Variants in KIFBP observed in about 807,000 individuals in gnomAD.
The protein encoded by KIFBP is kinesin family binding protein, also known as KIF-binding protein.
Under a neutral mutation model 58.9 loss-of-function variants are expected in KIFBP, and 46 were observed. The observed-to-expected ratio is 0.78, with a 90% CI of 0.62 to 1.00. The LOEUF is 1.00. Ranked by LOEUF, KIFBP falls within the 50% of genes least tolerant of loss-of-function variation. The pLI is 0.00. For synonymous variants in KIFBP, 241 were observed against 283.4 expected (o/e 0.85, Z 1.50); for missense variants, 651 against 752.9 (o/e 0.86, Z 1.58).
intron 1 of KIFBP, among the ~76,000 whole-genome samples, chr10:68,993,599 C>CTT (rs534010735): frequency 2.1e-5 from 3 of 145,130 alleles, no homozygotes; most frequent in South Asian, 2.2e-4. Context: ...TTAAACAAAG[C>CTT]TTTTTTTTTT....
rs377211706 is a variant in KIFBP at position 68,988,832 on chromosome 10, T to C, written c.-1T>C. On this transcript the variant is annotated 5_prime_UTR_variant, in exon 1 of 7. Transcript: ENST00000361983. ...AGGAAAGCCAGGCAGTAGAGGCCGC[T>C]ATGGCGAACGTTCCGTGGGCAGAGG... is the stretch of plus-strand genomic sequence containing the variant. 6 of 1,614,260 alleles carry C rather than the reference T, an allele frequency of 3.7e-6. No individual in the cohort carries two copies. Among genetic ancestry groups the C allele is most frequent in the Non-Finnish European group, 5.1e-6 (6 of 1,180,046 alleles).
At chr10:69,015,025 C>T (rs1057224662) in intron 6 of KIFBP, among the ~76,000 whole-genome samples, 5 of 152,074 alleles carry the variant, frequency 3.3e-5, no homozygotes, top group African/African-American at 1.2e-4. Context: ...TGGGTTCAAG[C>T]GATTCTCCTG....
Position 68,989,187 on chromosome 10 carries a change from G to T in KIFBP, c.355G>T (p.Val119Leu). The change falls in exon 1 of 7, where the codon GTG (valine) becomes TTG (leucine). Residue 119 changes from valine to leucine, a missense_variant. By Grantham distance (32) the Val-to-Leu change is conservative. Transcript: ENST00000361983. Reference sequence around the variant, plus strand: ...GCTGTCGGCGGGGGAGGAGCACCTGGTGAAATGCCTGCGGCTGCTGCGCAG... The same window carrying T: ...GCTGTCGGCGGGGGAGGAGCACCTGTTGAAATGCCTGCGGCTGCTGCGCAG... ...EELSAGEEHLVKCLRLLRRYR... is the reference protein window; with the variant it reads ...EELSAGEEHLLKCLRLLRRYR... 1 of 1,613,850 alleles carries T rather than the reference G, an allele frequency of 6.2e-7. No individual in the cohort carries two copies. The highest frequency in any genetic ancestry group is 8.5e-7 in the Non-Finnish European group (1 of 1,179,956).
rs777785724 is a variant in KIFBP, at chr10:69,015,533, T to C, written c.991-8T>C. On this transcript the variant is annotated splice_polypyrimidine_tract_variant and splice_region_variant and intron_variant, in intron 6 of 6. Coordinates refer to ENST00000361983, the MANE Select transcript of KIFBP (RefSeq NM_015634.4). ...TACTTAACCATAATTTATTTTTTTT[T>C]CCTTCAGGACAACATAGGAGAGCTT... The C allele has an allele frequency of 1.2e-6, 2 of 1,612,802 alleles. No individual in the cohort carries two copies. Among genetic ancestry groups the C allele is most frequent in the Admixed American group, 1.7e-5 (1 of 59,724 alleles).
intron 2 of KIFBP, among the ~76,000 whole-genome samples, chr10:69,001,031 A>G (rs892224635): frequency 6.6e-6 from 1 of 151,892 alleles, no homozygotes; most frequent in African/African-American, 2.4e-5. Context: ...TTTTAATAAG[A>G]TCCTGCCTGG....
In KIFBP at chr10:68,988,828, C is replaced by G; in HGVS notation, c.-5C>G. The G allele has an allele frequency of 6.2e-7, 1 of 1,614,256 alleles. No homozygotes were observed. The highest frequency in any genetic ancestry group is 1.1e-5 in the South Asian group (1 of 91,090). On this transcript the variant is annotated 5_prime_UTR_variant, in exon 1 of 7. Transcript: ENST00000361983. ...ATTGAGGAAAGCCAGGCAGTAGAGG[C>G]CGCTATGGCGAACGTTCCGTGGGCA...
In KIFBP at chr10:69,015,964, CAG is replaced by C; in HGVS notation, c.1416_1417del (p.Gln472HisfsTer4). 2 of 1,614,040 alleles carry C rather than the reference CAG, an allele frequency of 1.2e-6. No homozygotes were observed. The highest frequency in any genetic ancestry group is 1.7e-6 in the Non-Finnish European group (2 of 1,179,942). On this transcript the variant is annotated frameshift_variant, in exon 7 of 7. Transcript: ENST00000361983. LOFTEE classifies it high-confidence loss of function. ...ACAGTATTATCTGTTGGTCAACAGA[CAG>C]ATCCAGTTTGAAATTGCACATGCTT... ...NPQYYLLVNR[Q>X]IQFEIAHAYY... is the part of the protein sequence containing the mutation.
chr10:68,995,794 T>C lies in KIFBP; in HGVS notation c.427-4630T>C, dbSNP rs1050037597. Among the ~76,000 whole-genome samples, 3 of 152,244 alleles carry C rather than the reference T, an allele frequency of 2.0e-5. No homozygotes were observed. The South Asian group carries it at 6.2e-4, about 31-fold the overall frequency. ...GTTTGATAGTGGCAAGGATATGATA[T>C]GTGAAAGATGCAAGACCTTCCATTG... is the stretch of plus-strand genomic sequence containing the variant. On this transcript the variant is annotated intron_variant, in intron 1 of 6. Coordinates refer to ENST00000361983, the MANE Select transcript of KIFBP (RefSeq NM_015634.4).
chr10:68,990,372 A>C (rs1564633537), intron 1 of KIFBP, among the ~76,000 whole-genome samples: 1 of 151,988 alleles, frequency 6.6e-6, no homozygotes, highest in Non-Finnish European at 1.5e-5. Context: ...TCTTAAACAA[A>C]ACAAAACAAA....
intron 2 of KIFBP, among the ~76,000 whole-genome samples, chr10:69,000,931 A>G (rs111880101): frequency 1.3e-5 from 2 of 152,310 alleles, no homozygotes; most frequent in African/African-American, 4.8e-5. Flanking sequence ...GTTAGCACCC[A>G]TCAAAATCTG....
intron 2 of KIFBP, among the ~76,000 whole-genome samples, chr10:69,002,191 G>A (rs1293181775): frequency 3.3e-5 from 5 of 150,116 alleles, no homozygotes; most frequent in Admixed American, 6.6e-5. Context: ...ATGGAGTCTC[G>A]CTCTGTTGTC....
intron 1 of KIFBP, chr10:68,995,415 T>A (rs904583617): frequency 2.0e-5 from 3 of 152,250 alleles, no homozygotes; most frequent in African/African-American, 7.2e-5. Flanking sequence ...TCGTGTCTTT[T>A]CATTTTCAGT....
intron 1 of KIFBP, among the ~76,000 whole-genome samples, chr10:68,993,550 G>A (rs991661001): frequency 1.3e-5 from 2 of 151,922 alleles, no homozygotes; most frequent in East Asian, 3.8e-4. Flanking sequence ...CCTGTGATTA[G>A]TAGCCTGAGG....
intron 2 of KIFBP, among the ~76,000 whole-genome samples, chr10:69,004,730 G>A (rs1247663200): frequency 1.3e-5 from 2 of 152,068 alleles, no homozygotes; most frequent in Non-Finnish European, 2.9e-5. Context: ...CAGGACTGGT[G>A]GTGCACACCT....
chr10:69,002,041 C>T (rs915126612), intron 2 of KIFBP, among the ~76,000 whole-genome samples: 1 of 152,098 alleles, frequency 6.6e-6, no homozygotes, highest in Non-Finnish European at 1.5e-5. Flanking sequence ...GTGGCACACA[C>T]TGTAGTTTTA....
intron 2 of KIFBP, among the ~76,000 whole-genome samples, chr10:69,004,153 G>C (rs536468382): frequency 2.0e-5 from 3 of 150,576 alleles, no homozygotes; most frequent in Non-Finnish European, 4.4e-5. Context: ...CCGGGAGGCG[G>C]AGGTTGCAGT....
chr10:69,007,253 T>C (rs2132114446), intron 4 of KIFBP, among the ~76,000 whole-genome samples: 1 of 152,324 alleles, frequency 6.6e-6, no homozygotes. Context: ...GCACTTTTAT[T>C]TTTTTACCAA....
intron 2 of KIFBP, among the ~76,000 whole-genome samples, chr10:69,003,044 CAAAAAA>C (rs5785887): frequency 2.8e-5 from 3 of 105,576 alleles, no homozygotes; most frequent in African/African-American, 1.1e-4. Context: ...CCCGTCTTTA[CAAAAAA>C]AAAAAAAAAA....
At position 69,016,161 on chromosome 10, in the gene KIFBP, A is replaced by G. The variant is rs1260122573; in HGVS notation, c.1611A>G (p.Glu537=). Residue 537 remains glutamate (E), a synonymous_variant, in exon 7 of 7, where the codon GAA becomes GAG. Transcript: ENST00000361983. ...AAGTATTCCCTGAGCATATAGGGGA[A>G]GATGTTCTTCGCCCTGCCATGTTAG... The part of the protein sequence containing the change: ...PNKVFPEHIG[E]DVLRPAMLAK... 6.2e-7 allele frequency: 1 copy of G among 1,614,204 alleles called. No individual in the cohort carries two copies. The highest frequency in any genetic ancestry group is 1.3e-5 in the African/African-American group (1 of 75,060).
Sources: allele counts gnomAD v4.1 joint callset (sites outside exome capture counted in the v4.1 genomes callset), GRCh38; gene constraint gnomAD v4.1.1; transcripts MANE v1.5; gene names NCBI Gene and HGNC (gene_info 2026-07-23, HGNC 2026-07-21).